Variants in ALPK2 observed in about 807,000 individuals in gnomAD.
The protein encoded by ALPK2 is alpha kinase 2, also known as alpha-protein kinase 2.
Under a neutral mutation model 163.1 loss-of-function variants are expected in ALPK2, and 127 were observed. The ratio of observed to expected loss-of-function variants is 0.78; its 90% CI spans 0.67 to 0.90. The LOEUF is 0.90. ALPK2 is among the 40% of genes least tolerant of loss of function. ALPK2 has a pLI of 0.00. For synonymous variants in ALPK2, 953 were observed against 959.1 expected, an observed-to-expected ratio of 0.99 and a Z score of 0.12; for missense variants, 2,360 against 2,589.6, an observed-to-expected ratio of 0.91 and a Z score of 1.92.
In ALPK2 at chr18:58,607,427, G is replaced by A. The variant is rs762491125; in HGVS notation, c.122C>T (p.Pro41Leu). The part of the protein sequence containing the change: ...LRCIISGQPK[P>L]EVTWYKNGQA... ...ACCATTCTTATACCAAGTTACCTCTGGCTTGGGCTGACCTGACAATAAAGA... is the reference window on the plus strand; with the variant it reads ...ACCATTCTTATACCAAGTTACCTCTAGCTTGGGCTGACCTGACAATAAAGA... The change falls in exon 3 of 13, where the codon CCA becomes CTA. Residue 41 changes from proline to leucine, a missense_variant. Pro to Leu is a moderately conservative substitution (Grantham distance 98). Coordinates refer to ENST00000361673, the MANE Select transcript of ALPK2 (RefSeq NM_052947.4). 1.9e-6 allele frequency: 3 copies of A among 1,609,704 alleles called. No individual in the cohort carries two copies. In the South Asian group the frequency reaches 3.3e-5, roughly 18 times the overall value.
chr18:58,557,708 T>A (rs1353309303), intron 4 of ALPK2, among the ~76,000 whole-genome samples: 3 of 36,994 alleles, frequency 8.1e-5, no homozygotes, highest in African/African-American at 3.9e-4. Context: ...ATATTTATAT[T>A]TTGTCATTGG....
chr18:58,545,099 G>A (rs998085217), intron 4 of ALPK2: 1 of 152,090 alleles, frequency 6.6e-6, no homozygotes, highest in Non-Finnish European at 1.5e-5. Context: ...GCATGAAAAT[G>A]AAAAGCCAGC....
Position 58,535,167 on chromosome 18 carries a change from G to C in ALPK2, c.5020C>G (p.Gln1674Glu), listed in dbSNP as rs1400150056. The change falls in exon 5 of 13, where the codon CAA becomes GAA. Residue 1674 changes from glutamine to glutamate, a missense_variant. Gln to Glu is a conservative substitution (Grantham distance 29). Coordinates refer to ENST00000361673, the MANE Select transcript of ALPK2 (RefSeq NM_052947.4). ...TTCGCACAGCCCAGGGTGCCCTTTT[G>C]ACATGGATCCTGCAGTAATTTAGGG... The part of the protein sequence containing the change: ...KAPKLLQDPC[Q>E]KGTLGCAKKS... 1 of 1,613,882 alleles carries C rather than the reference G, an allele frequency of 6.2e-7. No homozygotes were observed. The highest frequency in any genetic ancestry group is 1.3e-5 in the African/African-American group (1 of 74,880).
rs890631678 is a variant in ALPK2 at position 58,528,557 on chromosome 18, T to C, written c.5501+534A>G. On this transcript the variant is annotated intron_variant, in intron 6 of 12. Transcript: ENST00000361673. ...GTCTCAAAAATAAAAATAAAAATCATAGGGACCCAGAAATAAACAGGTTTT... is the reference window on the plus strand; with the variant it reads ...GTCTCAAAAATAAAAATAAAAATCACAGGGACCCAGAAATAAACAGGTTTT... Among the ~76,000 whole-genome samples the C allele has an allele frequency of 5.9e-5, 9 of 152,032 alleles. No homozygotes were observed. In the South Asian group the frequency reaches 1.0e-3, roughly 18 times the overall value.
chr18:58,584,784 AC>A (rs1197419972), intron 3 of ALPK2, among the ~76,000 whole-genome samples: 8 of 152,230 alleles, frequency 5.3e-5, no homozygotes, highest in Non-Finnish European at 1.0e-4. Context: ...GGTGTACAGA[AC>A]AGACTGGATG....
At position 58,536,642 on chromosome 18, in the gene ALPK2, C is replaced by T; in HGVS notation, c.3545G>A (p.Gly1182Glu). Reference sequence around the variant, plus strand: ...CCCCCAACCTGAGCGCTGCCCTGCTCCTTCCCTAGAGCTTGCGGGTGAGTG... The same window carrying T: ...CCCCCAACCTGAGCGCTGCCCTGCTTCTTCCCTAGAGCTTGCGGGTGAGTG... ...TAHSPASSRE[G>E]AGQRSGWGTR... Residue 1182 changes from glycine (G) to glutamate (E), a missense_variant, in exon 5 of 13, where the codon GGA (glycine) becomes GAA (glutamate). By Grantham distance (98) the Gly-to-Glu change is moderately conservative. Coordinates refer to ENST00000361673, the MANE Select transcript of ALPK2 (RefSeq NM_052947.4). The T allele has an allele frequency of 2.5e-6, 4 of 1,614,188 alleles. No homozygotes were observed. The highest frequency in any genetic ancestry group is 3.4e-6 in the Non-Finnish European group (4 of 1,180,030).
At chr18:58,548,728 CA>C (rs1345776410) in intron 4 of ALPK2, among the ~76,000 whole-genome samples, 1 of 152,010 alleles carries the variant, frequency 6.6e-6, no homozygotes, top group Non-Finnish European at 1.5e-5. Flanking sequence ...AGCTTCATTC[CA>C]AAAAAGAGAC....
intron 12 of ALPK2, among the ~76,000 whole-genome samples, chr18:58,492,887 G>T (rs12455362): frequency 2.6e-5 from 4 of 151,946 alleles, no homozygotes; most frequent in African/African-American, 9.7e-5. Flanking sequence ...GCTCTGTTGG[G>T]CCTGGGAGAC....
At chr18:58,533,656 A>G (rs1372722481) in intron 5 of ALPK2, among the ~76,000 whole-genome samples, 4 of 151,912 alleles carry the variant, frequency 2.6e-5, no homozygotes, top group South Asian at 2.1e-4. Flanking sequence ...GGGTTTCGCC[A>G]TGTTGCTCAG....
chr18:58,624,949 A>T (rs1314217180), intron 1 of ALPK2, among the ~76,000 whole-genome samples: 1 of 152,230 alleles, frequency 6.6e-6, no homozygotes, highest in Non-Finnish European at 1.5e-5. Flanking sequence ...CAATTCTTTC[A>T]TCATCAAGAA....
At chr18:58,498,833 C>A (rs554659365) in intron 11 of ALPK2, among the ~76,000 whole-genome samples, 3 of 152,356 alleles carry the variant, frequency 2.0e-5, no homozygotes, top group Admixed American at 6.5e-5. Context: ...CCTCCCCAGC[C>A]ACATGGGACT....
intron 6 of ALPK2, among the ~76,000 whole-genome samples, chr18:58,525,876 C>G (rs1003368064): frequency 1.4e-5 from 2 of 141,368 alleles, no homozygotes; most frequent in Middle Eastern, 3.8e-3. Flanking sequence ...CTCCATGATA[C>G]AAAACTACCT....
chr18:58,573,415 T>G (rs1423401040), intron 4 of ALPK2, among the ~76,000 whole-genome samples: 1 of 146,678 alleles, frequency 6.8e-6, no homozygotes, highest in Non-Finnish European at 1.5e-5. Flanking sequence ...TATATATGTT[T>G]TTTTTTTTTC....
chr18:58,613,251 G>A (rs937804040), intron 1 of ALPK2, among the ~76,000 whole-genome samples: 11 of 152,342 alleles, frequency 7.2e-5, no homozygotes, highest in African/African-American at 2.4e-4. Context: ...AAAGGAACCT[G>A]AGTTCAGGGC....
chr18:58,620,461 A>G (rs1393739547), intron 1 of ALPK2, among the ~76,000 whole-genome samples: 1 of 152,222 alleles, frequency 6.6e-6, no homozygotes, highest in African/African-American at 2.4e-5. Flanking sequence ...GAAGTGTCCA[A>G]TAGAAATTAT....
intron 10 of ALPK2, among the ~76,000 whole-genome samples, chr18:58,509,829 T>C (rs1221062232): frequency 6.6e-6 from 1 of 151,040 alleles, no homozygotes. Context: ...TCCCATGCTG[T>C]AGGTTGCCTG....
intron 4 of ALPK2, among the ~76,000 whole-genome samples, chr18:58,567,804 C>G (rs923299228): frequency 7.2e-5 from 11 of 152,224 alleles, no homozygotes; most frequent in Non-Finnish European, 1.6e-4. Context: ...AACAGAATTT[C>G]AAATGCAGCC....
chr18:58,495,300 T>TA (rs1175470594), intron 12 of ALPK2, among the ~76,000 whole-genome samples: 1 of 152,210 alleles, frequency 6.6e-6, no homozygotes, highest in African/African-American at 2.4e-5. Flanking sequence ...CAAGAAGATC[T>TA]AATATCCCTG....
intron 11 of ALPK2, among the ~76,000 whole-genome samples, chr18:58,503,164 A>G (rs2051441346): frequency 6.6e-6 from 1 of 152,234 alleles, no homozygotes; most frequent in African/African-American, 2.4e-5. Context: ...GGTATTCCTA[A>G]ACAATTGTGT....
Sources: gnomAD v4.1 joint callset for allele counts (sites outside exome capture counted in the v4.1 genomes callset) on GRCh38, gnomAD v4.1.1 for gene constraint, MANE v1.5 for transcripts, NCBI Gene and HGNC (gene_info 2026-07-23, HGNC 2026-07-21) for gene names.